RBFOX3: variants seen among roughly 807,000 people sequenced by gnomAD.
RBFOX3 encodes RNA binding fox-1 homolog 3.
In RBFOX3, 17 loss-of-function variants were observed where a neutral mutation model predicts 48.7. The observed-to-expected ratio is 0.35, with a 90% CI of 0.24 to 0.52. The LOEUF (loss-of-function observed/expected upper bound fraction) is 0.52, where lower values mean the gene tolerates loss of function less well. Among genes scored for constraint, RBFOX3 ranks in the 20% least tolerant of loss-of-function variants. RBFOX3 has a pLI of 0.94. For synonymous variants in RBFOX3, 212 were observed against 209.5 expected (o/e 1.01, Z -0.10); for missense variants, 382 against 497.5 (o/e 0.77, Z 2.21).
At chr17:79,120,295 C>T (rs372879480) in intron 4 of RBFOX3, among the ~76,000 whole-genome samples, 4 of 151,974 alleles carry the variant, frequency 2.6e-5, no homozygotes, top group African/African-American at 7.3e-5. Flanking sequence ...GGTGGATGTA[C>T]GTACGTATGT....
chr17:79,376,352 G>A (rs546147692), intron 2 of RBFOX3, among the ~76,000 whole-genome samples: 71 of 152,270 alleles, frequency 4.7e-4, no homozygotes, highest in Middle Eastern at 3.4e-3. Flanking sequence ...TGGGTCACAA[G>A]CAAAGAGGAG....
intron 1 of RBFOX3, among the ~76,000 whole-genome samples, chr17:79,509,820 A>G (rs2083837138): frequency 6.6e-6 from 1 of 152,088 alleles, no homozygotes; most frequent in Non-Finnish European, 1.5e-5. Context: ...CTGTGCTTCC[A>G]TGGACTCAAG....
intron 4 of RBFOX3, among the ~76,000 whole-genome samples, chr17:79,226,969 G>C (rs1034875866): frequency 6.6e-6 from 1 of 152,196 alleles, no homozygotes; most frequent in East Asian, 1.9e-4. Context: ...AAGCATTCTG[G>C]GCAGGGACCT....
chr17:79,591,137 G>A (rs1397132299), intron 1 of RBFOX3, among the ~76,000 whole-genome samples: 1 of 152,150 alleles, frequency 6.6e-6, no homozygotes, highest in Non-Finnish European at 1.5e-5. Context: ...AGCCAGGATG[G>A]GGGAATAAAG....
rs527597895 is a variant in RBFOX3 at position 79,238,694 on chromosome 17, G to A, written c.-73-2889C>T. Among the ~76,000 whole-genome samples, 3 of 152,314 alleles carry A rather than the reference G, an allele frequency of 2.0e-5. No homozygotes were observed. The South Asian group carries it at 6.2e-4, about 32-fold the overall frequency. ...AACCCTTCTCTCCTGAGAGATTGCT[G>A]GCATTTCTTGAGTTCTCTTAAATGT... On this transcript the variant is annotated intron_variant, in intron 3 of 14. Transcript: ENST00000693108.
At chr17:79,274,064 G>A (rs950925378) in intron 3 of RBFOX3, among the ~76,000 whole-genome samples, 1 of 152,176 alleles carries the variant, frequency 6.6e-6, no homozygotes, top group Non-Finnish European at 1.5e-5. Context: ...GGGCAGGGGC[G>A]GACGCTGACC....
At chr17:79,224,445 G>A (rs531776817) in intron 4 of RBFOX3, among the ~76,000 whole-genome samples, 15 of 152,284 alleles carry the variant, frequency 9.9e-5, no homozygotes, top group South Asian at 2.1e-4. Flanking sequence ...GGCACACAGC[G>A]CTGGTCCCTG....
chr17:79,356,366 T>TTTTTTGTTTTTG lies in RBFOX3; in HGVS notation c.-174-48543_-174-48542insCAAAAACAAAAA, dbSNP rs1374310862. On this transcript the variant is annotated intron_variant, in intron 2 of 14. Coordinates refer to ENST00000693108, the MANE Select transcript of RBFOX3 (RefSeq NM_001350451.2). ...CAGGGAAGTTTTTTTTTTTTTTTTT[T>TTTTTTGTTTTTG]TTTTTTTTTTTTTTTTTTTTGAGGA... 1.7e-3 allele frequency among the ~76,000 whole-genome samples: 181 copies of TTTTTTGTTTTTG among 105,976 alleles called. 16 individuals carry two copies. The highest frequency in any genetic ancestry group is 6.2e-3 in the African/African-American group (167 of 27,002). 69.5% of individuals were successfully genotyped at this position (105,976 alleles called of 152,430 possible).
chr17:79,512,840 G>C, intron 1 of RBFOX3, among the ~76,000 whole-genome samples: 4 of 141,224 alleles, frequency 2.8e-5, no homozygotes, highest in Non-Finnish European at 3.1e-5. Flanking sequence ...TGTTACCATC[G>C]GCTACGGCCC....
chr17:79,285,715 G>A (rs1343300603), intron 3 of RBFOX3, among the ~76,000 whole-genome samples: 2 of 37,190 alleles, frequency 5.4e-5, no homozygotes, highest in Non-Finnish European at 1.2e-4. Flanking sequence ...ATGGAGTCTC[G>A]CTCTGTCACC....
At chr17:79,384,135 G>A (rs904759542) in intron 2 of RBFOX3, among the ~76,000 whole-genome samples, 6 of 152,228 alleles carry the variant, frequency 3.9e-5, no homozygotes, top group Admixed American at 6.5e-5. Flanking sequence ...GCTGTGGCCA[G>A]GTCAGGCAGG....
In RBFOX3 at chr17:79,280,847, G is replaced by GC. The variant is rs199840719; in HGVS notation, c.-74+26876_-74+26877insG. 7.9e-3 allele frequency among the ~76,000 whole-genome samples: 1,170 copies of GC among 147,502 alleles called. 35 individuals carry two copies. Among genetic ancestry groups the GC allele is most frequent in the African/African-American group, 0.028 (1,116 of 39,982 alleles). On this transcript the variant is annotated intron_variant, in intron 3 of 14. Transcript: ENST00000693108. Reference sequence around the variant, plus strand: ...CAGGCAGGCTGTCCCATTGTGGGGGGGGGGAGGGGAGGGTCTCCTGCAGGC... The same window carrying GC: ...CAGGCAGGCTGTCCCATTGTGGGGGGCGGGGAGGGGAGGGTCTCCTGCAGGC...
the RBFOX3 span, among the ~76,000 whole-genome samples, chr17:79,620,450 CAT>C: frequency 5.4e-5 from 8 of 148,530 alleles, no homozygotes; most frequent in Admixed American, 5.4e-4. Flanking sequence ...CACATGCACA[CAT>C]GCGCACACAC....
intron 4 of RBFOX3, among the ~76,000 whole-genome samples, chr17:79,120,264 G>C (rs1004976681): frequency 6.6e-6 from 1 of 152,174 alleles, no homozygotes; most frequent in Non-Finnish European, 1.5e-5. Context: ...CTACTCAGAA[G>C]AGTCTCAGCG....
intron 4 of RBFOX3, among the ~76,000 whole-genome samples, chr17:79,134,320 C>T (rs1460481877): frequency 6.6e-6 from 1 of 152,262 alleles, no homozygotes; most frequent in Non-Finnish European, 1.5e-5. Context: ...GGTTGGAAAA[C>T]TGGATGTATT....
chr17:79,125,468 C>T (rs929669755), intron 4 of RBFOX3, among the ~76,000 whole-genome samples: 2 of 152,248 alleles, frequency 1.3e-5, no homozygotes, highest in East Asian at 1.9e-4. Context: ...GTTCTCTACC[C>T]GGCCTATCCC....
chr17:79,291,750 G>C (rs1032387652), intron 3 of RBFOX3, among the ~76,000 whole-genome samples: 4 of 152,318 alleles, frequency 2.6e-5, no homozygotes, highest in South Asian at 4.1e-4. Flanking sequence ...AACACAGAGA[G>C]TACACAGCCC....
intron 2 of RBFOX3, among the ~76,000 whole-genome samples, chr17:79,368,222 T>G (rs975685334): frequency 1.3e-5 from 2 of 152,182 alleles, no homozygotes; most frequent in Non-Finnish European, 1.5e-5. Flanking sequence ...CACGTCATTC[T>G]GCAGAAGGGC....
At chr17:79,315,000 A>C (rs1487091133) in intron 2 of RBFOX3, among the ~76,000 whole-genome samples, 1 of 152,078 alleles carries the variant, frequency 6.6e-6, no homozygotes, top group African/African-American at 2.4e-5. Flanking sequence ...CTTTTACCTT[A>C]ATTATAAAAA....
Sources: allele counts gnomAD v4.1 joint callset (sites outside exome capture counted in the v4.1 genomes callset), GRCh38; gene constraint gnomAD v4.1.1; transcripts MANE v1.5; gene names NCBI Gene and HGNC (gene_info 2026-07-23, HGNC 2026-07-21).